The following DNAJC1 variants were observed in gnomAD, a reference collection of about 807,000 sequenced individuals.
DNAJC1 encodes DnaJ heat shock protein family (Hsp40) member C1.
A neutral mutation model predicts 76.6 loss-of-function variants in DNAJC1; 58 were observed. The observed-to-expected ratio is 0.76, with a 90% confidence interval of 0.61 to 0.94. DNAJC1 has a LOEUF of 0.94. DNAJC1 is among the 40% of genes least tolerant of loss of function. The pLI, the probability that DNAJC1 is intolerant of heterozygous loss-of-function variation, is 0.00. For synonymous variants in DNAJC1, 258 were observed against 267.9 expected (o/e 0.96, Z 0.36); for missense variants, 689 against 677.3 (o/e 1.02, Z -0.19).
intron 8 of DNAJC1, among the ~76,000 whole-genome samples, chr10:21,863,655 T>TG (rs2131701073): frequency 6.6e-6 from 1 of 152,200 alleles, no homozygotes; most frequent in South Asian, 2.1e-4. Context: ...AATGACCAAA[T>TG]GAAGTTTATT....
chr10:21,759,686 G>A lies in DNAJC1; in HGVS notation c.1148-68C>T, dbSNP rs142068685. 5.4e-6 allele frequency: 8 copies of A among 1,488,386 alleles called. No homozygotes were observed. In the East Asian group the frequency reaches 1.8e-4, roughly 34 times the overall value. The allele number at this position is 1,488,386 out of a possible 1,614,324, so 92.2% of individuals were successfully genotyped here. ...AATTAAGGAGACGGTGAGAACAGCA[G>A]CTGCCGGGCACAGAGCAGGCAGCGC... On this transcript the variant is annotated intron_variant, in intron 10 of 11. Transcript: ENST00000376980.
chr10:21,836,088 T>A (rs1052161094), intron 8 of DNAJC1, among the ~76,000 whole-genome samples: 7 of 152,160 alleles, frequency 4.6e-5, no homozygotes, highest in African/African-American at 1.7e-4. Context: ...AAGGTCGGGT[T>A]ACCCACAAAG....
chr10:21,855,755 G>A (rs896651924), intron 8 of DNAJC1, among the ~76,000 whole-genome samples: 3 of 152,052 alleles, frequency 2.0e-5, no homozygotes, highest in Admixed American at 2.0e-4. Context: ...ACACTTCAAC[G>A]TAATCAGTGC....
intron 9 of DNAJC1, among the ~76,000 whole-genome samples, chr10:21,781,980 A>G (rs1417149615): frequency 6.6e-6 from 1 of 151,958 alleles, no homozygotes; most frequent in Non-Finnish European, 1.5e-5. Flanking sequence ...ACCACTGCAA[A>G]ACACTAGAGA....
At chr10:21,830,445 C>T (rs893151483) in intron 8 of DNAJC1, among the ~76,000 whole-genome samples, 1 of 152,086 alleles carries the variant, frequency 6.6e-6, no homozygotes, top group Non-Finnish European at 1.5e-5. Context: ...TTTTTTGTTG[C>T]AGATGAGAAG....
At chr10:21,995,813 A>ATCC (rs1342244378) in intron 1 of DNAJC1, among the ~76,000 whole-genome samples, 1 of 152,226 alleles carries the variant, frequency 6.6e-6, no homozygotes, top group Non-Finnish European at 1.5e-5. Context: ...TGGTGAATGA[A>ATCC]TCCTCACCTT....
At chr10:21,787,425 GAGA>G (rs1394998684) in intron 9 of DNAJC1, among the ~76,000 whole-genome samples, 1 of 151,994 alleles carries the variant, frequency 6.6e-6, no homozygotes, top group African/African-American at 2.4e-5. Flanking sequence ...GGAGGAGAAG[GAGA>G]AGAAGAAATA....
At chr10:21,911,502 A>C (rs1254988687) in intron 6 of DNAJC1, among the ~76,000 whole-genome samples, 1 of 152,192 alleles carries the variant, frequency 6.6e-6, no homozygotes, top group East Asian at 1.9e-4. Context: ...AATAAGACTA[A>C]ATCCACAAAA....
At chr10:21,835,976 C>A (rs1261302909) in intron 8 of DNAJC1, among the ~76,000 whole-genome samples, 1 of 152,104 alleles carries the variant, frequency 6.6e-6, no homozygotes, top group Non-Finnish European at 1.5e-5. Flanking sequence ...ATACAGAGAA[C>A]ACCACAAAGA....
intron 1 of DNAJC1, among the ~76,000 whole-genome samples, chr10:21,976,492 T>C (rs1219480818): frequency 6.6e-6 from 1 of 152,218 alleles, no homozygotes; most frequent in Non-Finnish European, 1.5e-5. Context: ...CATCTGAAAT[T>C]ACATGCCACA....
At chr10:21,901,201 T>C (rs1170927069) in intron 7 of DNAJC1, among the ~76,000 whole-genome samples, 1 of 152,222 alleles carries the variant, frequency 6.6e-6, no homozygotes, top group Non-Finnish European at 1.5e-5. Flanking sequence ...GTTTTGATTA[T>C]TTAATTCTGG....
chr10:21,831,557 G>T (rs964917466), intron 8 of DNAJC1, among the ~76,000 whole-genome samples: 1 of 152,178 alleles, frequency 6.6e-6, no homozygotes, highest in Admixed American at 6.5e-5. Flanking sequence ...TTGGGAGGCT[G>T]AGATGGGTGG....
intron 7 of DNAJC1, among the ~76,000 whole-genome samples, chr10:21,887,679 G>A (rs556285399): frequency 2.6e-5 from 4 of 152,120 alleles, no homozygotes; most frequent in Non-Finnish European, 5.9e-5. Context: ...TAACTGGCTA[G>A]CCATATGCAG....
intron 9 of DNAJC1, among the ~76,000 whole-genome samples, chr10:21,804,617 T>C (rs1834860655): frequency 6.6e-6 from 1 of 151,478 alleles, no homozygotes; most frequent in Non-Finnish European, 1.5e-5. Flanking sequence ...CTTATGGTTC[T>C]TTTCTAGTAA....
intron 9 of DNAJC1, among the ~76,000 whole-genome samples, chr10:21,782,622 C>T (rs1256368044): frequency 6.6e-6 from 1 of 152,186 alleles, no homozygotes; most frequent in Non-Finnish European, 1.5e-5. Context: ...AGACCAATAT[C>T]CCTGATGAAC....
At chr10:21,861,750 C>T (rs969226412) in intron 8 of DNAJC1, among the ~76,000 whole-genome samples, 4 of 148,340 alleles carry the variant, frequency 2.7e-5, no homozygotes, top group African/African-American at 4.9e-5. Flanking sequence ...GCCATGGTAA[C>T]GTCAGGAAGT....
intron 9 of DNAJC1, among the ~76,000 whole-genome samples, chr10:21,786,611 G>A (rs564430837): frequency 2.0e-4 from 30 of 151,796 alleles, no homozygotes; most frequent in South Asian, 1.5e-3. Context: ...TCAGCCTCCC[G>A]CGTAGCAGGC....
chr10:21,759,641 C>G, intron 10 of DNAJC1, 23 bp from the exon 11 acceptor site: 6 of 1,604,580 alleles, frequency 3.7e-6, no homozygotes, highest in Non-Finnish European at 4.3e-6. Context: ...GTGTGCCACA[C>G]AGAGGTGAAG....
intron 8 of DNAJC1, among the ~76,000 whole-genome samples, chr10:21,820,286 T>C (rs1218834467): frequency 4.6e-5 from 7 of 152,016 alleles, no homozygotes; most frequent in Admixed American, 2.0e-4. Flanking sequence ...ATATTCTATG[T>C]CTGGGGGGGA....
Sources: allele counts gnomAD v4.1 joint callset (sites outside exome capture counted in the v4.1 genomes callset), GRCh38; gene constraint gnomAD v4.1.1; transcripts MANE v1.5; gene names NCBI Gene and HGNC (gene_info 2026-07-23, HGNC 2026-07-21).